Variants in EVC observed in about 807,000 individuals in gnomAD.
EVC encodes evC complex member EVC.
EVC carries 116 observed loss-of-function variants against 118.9 expected under a neutral mutation model. That is an observed-to-expected ratio of 0.98 (90% CI 0.84 to 1.14). The LOEUF is 1.14. EVC is among the 50% of genes most tolerant of loss of function. The probability of loss-of-function intolerance (pLI) is 0.00; values close to 1 mark genes in which losing one functional copy is unlikely to be tolerated. For synonymous variants in EVC, 619 were observed against 534.7 expected (o/e 1.16, Z -2.18); for missense variants, 1,401 against 1,246.4 (o/e 1.12, Z -1.87).
At chr4:5,768,170 G>A (rs932482639) in intron 11 of EVC, among the ~76,000 whole-genome samples, 1 of 152,136 alleles carries the variant, frequency 6.6e-6, no homozygotes, top group Non-Finnish European at 1.5e-5. Flanking sequence ...GATGAGTCCA[G>A]AGCGCCTCAT....
chr4:5,772,917 T>C (rs566534027), intron 11 of EVC, among the ~76,000 whole-genome samples: 39 of 152,254 alleles, frequency 2.6e-4, no homozygotes, highest in Admixed American at 2.4e-3. Flanking sequence ...ATGTCACTTC[T>C]TTAGGGGAGC....
In EVC at chr4:5,749,602, T is replaced by C. The variant is rs1382285202; in HGVS notation, c.1098+1296T>C. Among the ~76,000 whole-genome samples the C allele has an allele frequency of 6.6e-6, 1 of 152,106 alleles. No homozygotes were observed. Among genetic ancestry groups the C allele is most frequent in the East Asian group, 1.9e-4 (1 of 5,182 alleles). ...AGGGCCTGGCTAGATGCTGAGTGAC[T>C]CCTAACACCCCAGTCACCATTGGGT... On this transcript the variant is annotated intron_variant, in intron 8 of 20. Transcript: ENST00000264956. The surrounding 1 kb of genome is among the most constrained non-coding windows in gnomAD (Gnocchi z 4.4).
chr4:5,776,177 C>T (rs1455391226), intron 11 of EVC, among the ~76,000 whole-genome samples: 5 of 151,992 alleles, frequency 3.3e-5, no homozygotes, highest in Non-Finnish European at 5.9e-5. Flanking sequence ...GTTAATTTGG[C>T]AAATTTCATT....
intron 11 of EVC, among the ~76,000 whole-genome samples, chr4:5,767,835 T>G (rs13112879): frequency 0.61 from 92,695 of 152,004 alleles, 28,639 homozygotes; most frequent in Middle Eastern, 0.72. Flanking sequence ...CAGTACCTCA[T>G]GTGGAAATGC....
At chr4:5,729,100 C>T (rs182710754) in intron 2 of EVC, among the ~76,000 whole-genome samples, 1 of 152,228 alleles carries the variant, frequency 6.6e-6, no homozygotes, top group Non-Finnish European at 1.5e-5. Context: ...ATTCACCCAT[C>T]CATCCATCTA....
chr4:5,768,228 A>T (rs1733286894), intron 11 of EVC, among the ~76,000 whole-genome samples: 1 of 152,106 alleles, frequency 6.6e-6, no homozygotes, highest in African/African-American at 2.4e-5. Flanking sequence ...TTTACTTCTG[A>T]GTGAGACAGG....
At chr4:5,804,456 A>G (rs530654353) in intron 16 of EVC, among the ~76,000 whole-genome samples, 2 of 152,150 alleles carry the variant, frequency 1.3e-5, no homozygotes, top group Middle Eastern at 3.4e-3. Context: ...CTCAGTGTTG[A>G]CTTTTTCTTA....
intron 17 of EVC, among the ~76,000 whole-genome samples, chr4:5,807,641 C>G (rs1187647849): frequency 1.4e-5 from 2 of 147,544 alleles, no homozygotes; most frequent in African/African-American, 2.5e-5. Context: ...CTCTGTCCCC[C>G]TCTCTGAGAG....
chr4:5,758,152 C>A, intron 11 of EVC: 1 of 701,624 alleles, frequency 1.4e-6, no homozygotes, highest in Non-Finnish European at 2.6e-6. Flanking sequence ...TGGAGTGATG[C>A]AGCCACAAGC....
chr4:5,728,312 G>A (rs901674946), intron 2 of EVC, among the ~76,000 whole-genome samples: 23 of 151,948 alleles, frequency 1.5e-4, no homozygotes, highest in African/African-American at 5.3e-4. Context: ...TGGATTCCTA[G>A]GTATTTTATT....
At chr4:5,748,599 T>TCCAC (rs1180396122) in intron 8 of EVC, among the ~76,000 whole-genome samples, 1 of 99,960 alleles carries the variant, frequency 1.0e-5, no homozygotes, top group African/African-American at 4.0e-5. Context: ...CATCCATCCA[T>TCCAC]CCACCCATCC....
At chr4:5,817,520 T>C (rs919844590), downstream of EVC, among the ~76,000 whole-genome samples, 2 of 152,210 alleles carry the variant, frequency 1.3e-5, no homozygotes, top group Non-Finnish European at 1.5e-5. Context: ...CCCTGTGTCT[T>C]TTCCTCTAAA....
chr4:5,824,232 A>G, the EVC span: 1 of 941,286 alleles, frequency 1.1e-6, no homozygotes, highest in Middle Eastern at 5.4e-4. Context: ...TTGCACCCAG[A>G]TAGCTTTTTC....
the EVC span, among the ~76,000 whole-genome samples, chr4:5,828,861 C>A: frequency 6.6e-6 from 1 of 152,078 alleles, no homozygotes; most frequent in Admixed American, 6.6e-5. Flanking sequence ...CTCACCGTTG[C>A]GCATGTAGGC....
intron 11 of EVC, among the ~76,000 whole-genome samples, chr4:5,782,735 G>T (rs1349991232): frequency 6.6e-6 from 1 of 152,090 alleles, no homozygotes; most frequent in Non-Finnish European, 1.5e-5. Flanking sequence ...TGGAAGCCCT[G>T]CTGGGTGATC....
rs1374278910 is a variant in EVC at position 5,711,387 on chromosome 4, C to T, written c.7C>T (p.Arg3Cys). The change falls in exon 1 of 21, where the codon CGC (arginine) becomes TGC (cysteine). Residue 3 changes from arginine to cysteine, a missense_variant. Physicochemically the swap from Arg to Cys is radical, Grantham distance 180. Transcript: ENST00000264956. The part of the protein sequence containing the change: MA[R>C]GGAACKSDAR... Reference sequence around the variant, plus strand: ...GGCAGCCTGAGCGCCCCGGATGGCCCGCGGCGGGGCGGCCTGCAAGAGCGA... The same window carrying T: ...GGCAGCCTGAGCGCCCCGGATGGCCTGCGGCGGGGCGGCCTGCAAGAGCGA... 9.9e-7 allele frequency: 1 copy of T among 1,011,330 alleles called. No homozygotes were observed. The highest frequency in any genetic ancestry group is 1.7e-5 in the African/African-American group (1 of 57,460). 62.6% of individuals were successfully genotyped at this position (1,011,330 alleles called of 1,614,324 possible).
At chr4:5,804,990 G>C (rs1715638592) in intron 17 of EVC, 149 bp downstream of exon 17, 6 of 721,164 alleles carry the variant, frequency 8.3e-6, no homozygotes, top group Non-Finnish European at 1.5e-5. Flanking sequence ...CCTCTGTCCT[G>C]GTCTCTGCCC....
At chr4:5,774,711 G>C (rs990783605) in intron 11 of EVC, among the ~76,000 whole-genome samples, 2 of 152,114 alleles carry the variant, frequency 1.3e-5, no homozygotes, top group Non-Finnish European at 2.9e-5. Context: ...TTCTGTTTGA[G>C]GGGGAGGGGA....
chr4:5,828,441 T>C, the EVC span: 3 of 1,591,948 alleles, frequency 1.9e-6, no homozygotes, highest in Non-Finnish European at 2.6e-6. Flanking sequence ...AGAGACGCTG[T>C]CGGCTCTGGT....
Sources: gnomAD v4.1 joint callset for allele counts (sites outside exome capture counted in the v4.1 genomes callset) on GRCh38, gnomAD v4.1.1 for gene constraint, Gnocchi (gnomAD v3.1) non-coding constraint, MANE v1.5 for transcripts, NCBI Gene and HGNC (gene_info 2026-07-23, HGNC 2026-07-21) for gene names.